Variants in LRRC7 observed in about 807,000 individuals in gnomAD.
LRRC7 encodes leucine-rich repeat-containing protein 7.
In LRRC7, 23 loss-of-function variants were observed where a neutral mutation model predicts 175.7. The observed-to-expected ratio is 0.13, with a 90% confidence interval of 0.09 to 0.19. The LOEUF is 0.19. Ranked by LOEUF, LRRC7 falls within the 10% of genes least tolerant of loss-of-function variation. The pLI, the probability that LRRC7 is intolerant of heterozygous loss-of-function variation, is 1.00. For synonymous variants in LRRC7, 685 were observed against 680.9 expected (o/e 1.01, Z -0.09); for missense variants, 1,354 against 1,904.7 (o/e 0.71, Z 5.38).
chr1:70,011,647 T>C (rs1656518465), intron 11 of LRRC7, 150 bp from the exon 12 acceptor site: 1 of 534,722 alleles, frequency 1.9e-6, no homozygotes, highest in Non-Finnish European at 3.3e-6. Flanking sequence ...TATTTGATAG[T>C]ATTAAATCAT....
Position 70,136,742 on chromosome 1 carries a change from T to C in LRRC7, c.*14855T>C, listed in dbSNP as rs1385797976. Reference sequence around the variant, plus strand: ...ATGCCTTTTTTTTTTTTTTTTTTTTTTTTCTGAGACAGGGTCTTGCTCTGT... The same window carrying C: ...ATGCCTTTTTTTTTTTTTTTTTTTTCTTTCTGAGACAGGGTCTTGCTCTGT... On this transcript the variant is annotated 3_prime_UTR_variant, in exon 27 of 27. Transcript: ENST00000651989. 7.6e-5 allele frequency among the ~76,000 whole-genome samples: 11 copies of C among 145,438 alleles called. No homozygotes were observed. Among genetic ancestry groups the C allele is most frequent in the Non-Finnish European group, 1.5e-4 (10 of 66,150 alleles).
chr1:69,718,150 A>AAGAAGGAAAGAAAGAAAGAAAGAAAG (rs1665914384), intron 2 of LRRC7, among the ~76,000 whole-genome samples: 1 of 148,186 alleles, frequency 6.7e-6, no homozygotes, highest in African/African-American at 2.5e-5. Flanking sequence ...GAGAGAAAGA[A>AAGAAGGAAAGAAAGAAAGAAAGAAAG]AGAAAGAAAG....
chr1:70,011,720 T>C (rs1361512825), intron 11 of LRRC7, 77 bp from the exon 12 acceptor site: 3 of 1,003,052 alleles, frequency 3.0e-6, no homozygotes, highest in Non-Finnish European at 4.5e-6. Context: ...TTTTGGTGAA[T>C]TTTGGATATG....
chr1:69,798,921 T>G (rs1676126488), intron 4 of LRRC7, among the ~76,000 whole-genome samples: 1 of 152,088 alleles, frequency 6.6e-6, no homozygotes. Context: ...TATATAAGAG[T>G]AGCTTCATGC....
chr1:69,677,242 T>TTA (rs984552724), intron 1 of LRRC7, among the ~76,000 whole-genome samples: 18 of 146,872 alleles, frequency 1.2e-4, no homozygotes, highest in East Asian at 3.9e-4. Flanking sequence ...ATTATATATG[T>TTA]TATATATATA....
chr1:69,822,201 T>G (rs1391140806), intron 4 of LRRC7, among the ~76,000 whole-genome samples: 2 of 152,144 alleles, frequency 1.3e-5, no homozygotes, highest in African/African-American at 2.4e-5. Context: ...GTCTCTCACT[T>G]GTTTTTTTAG....
rs558268644 is a variant in LRRC7 at position 70,034,631 on chromosome 1, AG to A, written c.1996-1488del. On this transcript the variant is annotated intron_variant, in intron 18 of 26. Transcript: ENST00000651989. The stretch of plus-strand genomic sequence containing the variant: ...GCTGAGCTCACCAGGAGGCAGCACA[AG>A]GTAAGGAAAGATCACTGGAATGGAG... Among the ~76,000 whole-genome samples, 162 of 152,296 alleles carry A rather than the reference AG, an allele frequency of 1.1e-3. 2 individuals carry two copies. The highest frequency in any genetic ancestry group is 3.4e-3 in the Middle Eastern group (1 of 294).
intron 7 of LRRC7, among the ~76,000 whole-genome samples, chr1:69,910,676 C>T (rs535839925): frequency 6.6e-5 from 10 of 152,306 alleles, no homozygotes; most frequent in South Asian, 2.1e-4. Context: ...GCAGTCTGCC[C>T]GCTCTCAGAT....
chr1:69,763,169 A>G (rs1348242185), intron 3 of LRRC7, among the ~76,000 whole-genome samples: 1 of 152,076 alleles, frequency 6.6e-6, no homozygotes, highest in African/African-American at 2.4e-5. Context: ...AACTGACTTT[A>G]CAAAGAAATA....
At chr1:69,903,041 A>G (rs1024109106) in intron 7 of LRRC7, among the ~76,000 whole-genome samples, 12 of 152,206 alleles carry the variant, frequency 7.9e-5, no homozygotes, top group African/African-American at 2.9e-4. Context: ...TCCAAATGCC[A>G]ATTGATAATA....
At chr1:69,710,655 T>A (rs949432966) in intron 2 of LRRC7, among the ~76,000 whole-genome samples, 1 of 152,208 alleles carries the variant, frequency 6.6e-6, no homozygotes, top group African/African-American at 2.4e-5. Flanking sequence ...ATAAAATGCT[T>A]GGAATGTCTA....
chr1:69,635,446 A>G (rs1653179891), intron 1 of LRRC7, among the ~76,000 whole-genome samples: 1 of 152,168 alleles, frequency 6.6e-6, no homozygotes. Flanking sequence ...AGTTATTTTG[A>G]GAATCTAAAA....
intron 7 of LRRC7, among the ~76,000 whole-genome samples, chr1:69,881,743 G>T (rs566796712): frequency 7.2e-5 from 11 of 151,776 alleles, no homozygotes; most frequent in African/African-American, 2.4e-4. Context: ...AACCAAGAGT[G>T]GTAGTGCATG....
At chr1:69,998,539 A>G (rs991637820) in intron 11 of LRRC7, among the ~76,000 whole-genome samples, 1 of 152,202 alleles carries the variant, frequency 6.6e-6, no homozygotes, top group Non-Finnish European at 1.5e-5. Context: ...AATTATCTTT[A>G]TCAGCCCGAT....
chr1:69,994,085 A>G (rs1020598528), intron 10 of LRRC7, among the ~76,000 whole-genome samples: 2 of 152,208 alleles, frequency 1.3e-5, no homozygotes, highest in East Asian at 3.9e-4. Flanking sequence ...TTCCAAGAAC[A>G]TAATTATAAC....
Position 70,144,197 on chromosome 1 carries a change from C to T in LRRC7, c.*22310C>T, listed in dbSNP as rs1289556271. 1 of 152,162 alleles carries T rather than the reference C, an allele frequency of 6.6e-6. No homozygotes were observed. Among genetic ancestry groups the T allele is most frequent in the Non-Finnish European group, 1.5e-5 (1 of 68,044 alleles). The allele number at this position is 152,162 out of a possible 1,614,324, so 9.4% of individuals were successfully genotyped here. A position where few individuals can be genotyped will look rare whatever the true frequency, so the allele number is the denominator to read the frequency against. ...GTGATTAGAATGCATTTTGAAGATG[C>T]TTTCTGTACAGATACAAAATACAGG... On this transcript the variant is annotated 3_prime_UTR_variant, in exon 27 of 27. Transcript: ENST00000651989.
chr1:69,746,969 C>T (rs1669322590), intron 2 of LRRC7, among the ~76,000 whole-genome samples: 1 of 152,138 alleles, frequency 6.6e-6, no homozygotes, highest in Non-Finnish European at 1.5e-5. Flanking sequence ...GGGACTCTTT[C>T]CTTGGCTTCT....
chr1:69,923,629 G>A lies in LRRC7; in HGVS notation c.648-7878G>A, dbSNP rs991007867. On this transcript the variant is annotated intron_variant, in intron 7 of 26. Transcript: ENST00000651989. ...TCAGAAGTGTCTGTTCATGTCCTTT[G>A]CCCACTTTTTGATGGTGTTATTTGT... 7.2e-5 allele frequency among the ~76,000 whole-genome samples: 11 copies of A among 152,232 alleles called. No individual in the cohort carries two copies. The East Asian group carries it at 7.7e-4, about 11-fold the overall frequency.
At chr1:69,744,921 G>A (rs1201066385) in intron 2 of LRRC7, among the ~76,000 whole-genome samples, 1 of 151,830 alleles carries the variant, frequency 6.6e-6, no homozygotes, top group East Asian at 1.9e-4. Context: ...TCTTCAACAT[G>A]TAAAGATGTA....
Sources: gnomAD v4.1 joint callset for allele counts (sites outside exome capture counted in the v4.1 genomes callset) on GRCh38, gnomAD v4.1.1 for gene constraint, MANE v1.5 for transcripts, NCBI Gene and HGNC (gene_info 2026-07-23, HGNC 2026-07-21) for gene names.